FOXO1: variants seen among roughly 807,000 people sequenced by gnomAD.
FOXO1 encodes the protein forkhead box protein O1.
Under a neutral mutation model 44.1 loss-of-function variants are expected in FOXO1, and 6 were observed. The observed-to-expected ratio is 0.14, with a 90% CI of 0.07 to 0.27. The LOEUF (loss-of-function observed/expected upper bound fraction) is 0.27. Ranked by LOEUF, FOXO1 falls within the 10% of genes least tolerant of loss-of-function variation. The pLI, the probability that FOXO1 is intolerant of heterozygous loss-of-function variation, is 1.00. For missense variants in FOXO1, 737 were observed against 888.8 expected (o/e 0.83, Z 2.17); for synonymous variants, 380 against 362.7 (o/e 1.05, Z -0.54).
intron 1 of FOXO1, among the ~76,000 whole-genome samples, chr13:40,580,970 T>C (rs1021712353): frequency 2.0e-5 from 3 of 152,314 alleles, no homozygotes; most frequent in South Asian, 2.1e-4. Flanking sequence ...GCGCTTCCGC[T>C]AGCTAGATGT....
At chr13:40,563,851 T>C (rs1593379464) in intron 1 of FOXO1, among the ~76,000 whole-genome samples, 1 of 152,254 alleles carries the variant, frequency 6.6e-6, no homozygotes, top group East Asian at 1.9e-4. Context: ...CTCCTTAAGA[T>C]CAGCAGGCCC....
At position 40,665,879 on chromosome 13, in the gene FOXO1, C is replaced by T. The variant is rs1878223078; in HGVS notation, c.334G>A (p.Gly112Ser). 1.2e-5 allele frequency: 14 copies of T among 1,142,632 alleles called. No individual in the cohort carries two copies. Among genetic ancestry groups the T allele is most frequent in the Non-Finnish European group, 1.5e-5 (14 of 933,324 alleles). The allele number at this position is 1,142,632 out of a possible 1,614,324, so 70.8% of individuals were successfully genotyped here. ...ATGGLCGDFQGPEAGCLHPAP... is the reference protein window; with the variant it reads ...ATGGLCGDFQSPEAGCLHPAP... The stretch of plus-strand genomic sequence containing the variant: ...GGGTGCAGGCAGCCCGCCTCCGGGC[C>T]CTGGAAGTCCCCGCACAGCCCCCCG... The change falls in exon 1 of 3, where the codon GGC becomes AGC. Residue 112 changes from glycine to serine, a missense_variant. By Grantham distance (56) the Gly-to-Ser change is moderately conservative. This residue lies in a region of FOXO1 where 213 missense variants were observed against 236.4 expected (regional missense o/e 0.90). Transcript: ENST00000379561.
chr13:40,601,645 A>T (rs186430930), intron 1 of FOXO1, among the ~76,000 whole-genome samples: 158 of 152,326 alleles, frequency 1.0e-3, no homozygotes, highest in Non-Finnish European at 2.0e-3. Flanking sequence ...ACTTTAAAAA[A>T]TTTCTGTTAA....
chr13:40,636,624 T>C (rs189830688), intron 1 of FOXO1, among the ~76,000 whole-genome samples: 12 of 146,950 alleles, frequency 8.2e-5, no homozygotes, highest in Non-Finnish European at 1.8e-4. Context: ...TGGGTTCAAA[T>C]GATTCTCCCG....
chr13:40,593,583 C>T (rs996320110), intron 1 of FOXO1, among the ~76,000 whole-genome samples: 5 of 152,224 alleles, frequency 3.3e-5, no homozygotes, highest in Admixed American at 2.6e-4. Context: ...GTAAGTAATA[C>T]ATATTACTTA....
chr13:40,577,771 G>C (rs1032454655), intron 1 of FOXO1, among the ~76,000 whole-genome samples: 1 of 151,958 alleles, frequency 6.6e-6, no homozygotes, highest in African/African-American at 2.4e-5. Flanking sequence ...TCAATGCCTA[G>C]AACAGAACAG....
chr13:40,640,601 G>A (rs1877314756), intron 1 of FOXO1, among the ~76,000 whole-genome samples: 2 of 152,206 alleles, frequency 1.3e-5, no homozygotes, highest in Non-Finnish European at 2.9e-5. Context: ...TACCTAATGG[G>A]AAGGACTGAC....
intron 1 of FOXO1, among the ~76,000 whole-genome samples, chr13:40,601,078 G>GC (rs888015389): frequency 9.9e-5 from 15 of 152,150 alleles, no homozygotes; most frequent in Admixed American, 1.3e-4. Context: ...ATACCTCAAT[G>GC]CCCCCCACCA....
chr13:40,637,535 C>T (rs957202145), intron 1 of FOXO1, among the ~76,000 whole-genome samples: 6 of 151,256 alleles, frequency 4.0e-5, no homozygotes, highest in Admixed American at 4.0e-4. Context: ...AAATTTTAAC[C>T]AACTCAAAAA....
intron 1 of FOXO1, among the ~76,000 whole-genome samples, chr13:40,568,264 C>A (rs1301055337): frequency 6.6e-6 from 1 of 152,164 alleles, no homozygotes; most frequent in Non-Finnish European, 1.5e-5. Flanking sequence ...TCTAGAAATT[C>A]TTTCAAAATG....
chr13:40,664,908 G>A (rs1022129188), intron 1 of FOXO1, among the ~76,000 whole-genome samples: 1 of 151,918 alleles, frequency 6.6e-6, no homozygotes, highest in African/African-American at 2.4e-5. Context: ...GCGCTCCGCA[G>A]GCGGTGGCCG....
chr13:40,617,192 T>C (rs1311830597), intron 1 of FOXO1, among the ~76,000 whole-genome samples: 1 of 152,214 alleles, frequency 6.6e-6, no homozygotes, highest in Admixed American at 6.5e-5. Context: ...ACGCCTGTAA[T>C]CCCAGCACTT....
chr13:40,618,569 A>G (rs1041915701), intron 1 of FOXO1, among the ~76,000 whole-genome samples: 1 of 152,226 alleles, frequency 6.6e-6, no homozygotes, highest in Non-Finnish European at 1.5e-5. Context: ...TTATGAAACC[A>G]AGAACAGTAC....
chr13:40,602,493 T>C (rs910348306), intron 1 of FOXO1, among the ~76,000 whole-genome samples: 1 of 151,972 alleles, frequency 6.6e-6, no homozygotes, highest in African/African-American at 2.4e-5. Context: ...ATGTGGAGGG[T>C]GGGGGAAGAT....
intron 1 of FOXO1, among the ~76,000 whole-genome samples, chr13:40,567,295 C>G (rs780371707): frequency 6.6e-6 from 1 of 151,930 alleles, no homozygotes; most frequent in Non-Finnish European, 1.5e-5. Context: ...GGCCTTCATA[C>G]CCCGTGTTTT....
intron 1 of FOXO1, among the ~76,000 whole-genome samples, chr13:40,580,788 C>T (rs1874926271): frequency 6.6e-6 from 1 of 152,126 alleles, no homozygotes; most frequent in East Asian, 1.9e-4. Context: ...GCAGTAGCAA[C>T]AAAAGATGCT....
chr13:40,599,601 G>A (rs187929269), intron 1 of FOXO1, among the ~76,000 whole-genome samples: 87 of 152,284 alleles, frequency 5.7e-4, no homozygotes, highest in Admixed American at 4.2e-3. Context: ...GTGTCTTTGT[G>A]AGCCTGGCTT....
chr13:40,666,252 AG>A lies in FOXO1; in HGVS notation c.-41del. On this transcript the variant is annotated 5_prime_UTR_variant, in exon 1 of 3. Transcript: ENST00000379561. Reference sequence around the variant, plus strand: ...CTCCCCCAGCCGCAGGAGAGCCAAGAGGGGGAGAACGCAGCACTGGGGGCGG... The same window carrying A: ...CTCCCCCAGCCGCAGGAGAGCCAAGAGGGGAGAACGCAGCACTGGGGGCGG... The A allele has an allele frequency of 2.2e-6, 3 of 1,359,740 alleles. No homozygotes were observed. The highest frequency in any genetic ancestry group is 1.9e-6 in the Non-Finnish European group (2 of 1,055,310). 84.2% of individuals were successfully genotyped at this position (1,359,740 alleles called of 1,614,324 possible).
intron 1 of FOXO1, among the ~76,000 whole-genome samples, chr13:40,603,211 A>G (rs754003663): frequency 7.9e-5 from 12 of 152,170 alleles, no homozygotes; most frequent in East Asian, 1.9e-4. Flanking sequence ...GGTAATGAGG[A>G]GAAACAATAT....
Sources: allele counts gnomAD v4.1 joint callset (sites outside exome capture counted in the v4.1 genomes callset), GRCh38; gene constraint gnomAD v4.1.1; regional missense constraint gnomAD v4.1.1; transcripts MANE v1.5; gene names NCBI Gene and HGNC (gene_info 2026-07-23, HGNC 2026-07-21).